Variants in AMPH observed in about 807,000 individuals in gnomAD.
AMPH encodes amphiphysin (Stiff-Mann syndrome with breast cancer 128kD autoantigen).
In AMPH, 49 loss-of-function variants were observed where a neutral mutation model predicts 99.1. That is an observed-to-expected ratio of 0.49 (90% CI 0.39 to 0.63). The LOEUF is 0.63. AMPH is among the 20% of genes least tolerant of loss of function. The pLI, the probability that AMPH is intolerant of heterozygous loss-of-function variation, is 0.00. For synonymous variants in AMPH, 314 were observed against 317.3 expected, an observed-to-expected ratio of 0.99 and a Z score of 0.11; for missense variants, 759 against 863.4, an observed-to-expected ratio of 0.88 and a Z score of 1.52.
At chr7:38,618,890 T>C (rs1309785146) in intron 1 of AMPH, among the ~76,000 whole-genome samples, 3 of 152,216 alleles carry the variant, frequency 2.0e-5, no homozygotes, top group Non-Finnish European at 1.5e-5. Flanking sequence ...CAGTTAATTA[T>C]GTAAAATGTA....
intron 5 of AMPH, among the ~76,000 whole-genome samples, chr7:38,490,095 A>G (rs370362256): frequency 2.8e-4 from 43 of 152,270 alleles, no homozygotes; most frequent in Middle Eastern, 3.4e-3. Flanking sequence ...AAATTGAGTG[A>G]CTAATCAAAA....
intron 5 of AMPH, among the ~76,000 whole-genome samples, chr7:38,479,043 C>A (rs1357137306): frequency 6.6e-6 from 1 of 151,808 alleles, no homozygotes; most frequent in East Asian, 1.9e-4. Flanking sequence ...GAATAATAAG[C>A]AATATTTCAA....
intron 1 of AMPH, among the ~76,000 whole-genome samples, chr7:38,596,087 A>G (rs1793047519): frequency 6.6e-6 from 1 of 152,190 alleles, no homozygotes; most frequent in African/African-American, 2.4e-5. Flanking sequence ...CAGTAATAAG[A>G]TTGCTGGGTC....
chr7:38,535,774 T>C (rs956271142), intron 1 of AMPH, among the ~76,000 whole-genome samples: 4 of 152,126 alleles, frequency 2.6e-5, no homozygotes, highest in Non-Finnish European at 1.5e-5. Context: ...CACTAGGGTT[T>C]GCTCTCCTAT....
chr7:38,506,608 G>C (rs970573412), intron 2 of AMPH, among the ~76,000 whole-genome samples: 11 of 152,124 alleles, frequency 7.2e-5, no homozygotes, highest in African/African-American at 2.7e-4. Flanking sequence ...AATCCATTAA[G>C]GCCACATTTC....
intron 11 of AMPH, among the ~76,000 whole-genome samples, chr7:38,447,566 T>G (rs1786837110): frequency 1.3e-5 from 2 of 152,162 alleles, no homozygotes; most frequent in African/African-American, 4.8e-5. Context: ...GTAGGTAGTT[T>G]GCAAGTATTT....
chr7:38,416,946 C>T (rs1209700092), intron 17 of AMPH, among the ~76,000 whole-genome samples: 1 of 152,168 alleles, frequency 6.6e-6, no homozygotes, highest in Non-Finnish European at 1.5e-5. Context: ...GCACCAACGA[C>T]ATGAAGTAAG....
At chr7:38,567,892 C>T (rs977809413) in intron 1 of AMPH, among the ~76,000 whole-genome samples, 1 of 152,014 alleles carries the variant, frequency 6.6e-6, no homozygotes, top group African/African-American at 2.4e-5. Flanking sequence ...TTTGATAGCA[C>T]TTAAAATTAA....
chr7:38,475,638 T>C (rs1788051137), intron 6 of AMPH, among the ~76,000 whole-genome samples: 2 of 152,206 alleles, frequency 1.3e-5, no homozygotes, highest in Admixed American at 1.3e-4. Context: ...TCTTGCAGTT[T>C]CTGGCTGATT....
intron 5 of AMPH, among the ~76,000 whole-genome samples, chr7:38,480,399 G>A (rs1184301811): frequency 6.6e-6 from 1 of 152,028 alleles, no homozygotes; most frequent in Non-Finnish European, 1.5e-5. Context: ...CGGGTTCTTT[G>A]CTCACCTCAT....
intron 13 of AMPH, 34 bp downstream of exon 13, chr7:38,432,155 G>C: frequency 6.3e-7 from 1 of 1,590,966 alleles, no homozygotes. Flanking sequence ...TGGGGATCAA[G>C]ATACATGAAA....
At chr7:38,582,691 T>C (rs1201125021) in intron 1 of AMPH, among the ~76,000 whole-genome samples, 1 of 152,154 alleles carries the variant, frequency 6.6e-6, no homozygotes, top group Non-Finnish European at 1.5e-5. Flanking sequence ...GGTCCTGAGA[T>C]CAAAAAGTTT....
chr7:38,491,206 C>CT lies in AMPH; in HGVS notation c.301-62dup, dbSNP rs1199120279. ...TAATTGGATACCTTTCACCAAACTT[C>CT]TAAAAAAATCTGAAACTATAAAATT... On this transcript the variant is annotated intron_variant, in intron 4 of 20. Transcript: ENST00000356264. 2.8e-6 allele frequency: 3 copies of CT among 1,060,300 alleles called. No individual in the cohort carries two copies. The East Asian group carries it at 8.0e-5, about 28-fold the overall frequency. The allele number at this position is 1,060,300 out of a possible 1,614,324, so 65.7% of individuals were successfully genotyped here. A position where few individuals can be genotyped will look rare whatever the true frequency, so the allele number is the denominator to read the frequency against.
chr7:38,534,239 C>T (rs1008089225), intron 2 of AMPH, among the ~76,000 whole-genome samples: 2 of 151,836 alleles, frequency 1.3e-5, no homozygotes, highest in Admixed American at 6.6e-5. Context: ...TAGTATAATC[C>T]CTGTTGCGAA....
intron 11 of AMPH, among the ~76,000 whole-genome samples, chr7:38,449,109 TC>T (rs1479754916): frequency 6.6e-6 from 1 of 152,150 alleles, no homozygotes. Flanking sequence ...GTAAAGGCCC[TC>T]CTACCACTAT....
chr7:38,418,550 T>C (rs1401854107), intron 16 of AMPH, among the ~76,000 whole-genome samples: 1 of 152,234 alleles, frequency 6.6e-6, no homozygotes, highest in Non-Finnish European at 1.5e-5. Flanking sequence ...GAAGCTAGTG[T>C]TCCACTTCCA....
chr7:38,431,603 C>G (rs1447484735), intron 13 of AMPH, among the ~76,000 whole-genome samples: 1 of 151,098 alleles, frequency 6.6e-6, no homozygotes, highest in African/African-American at 2.4e-5. Context: ...TTGCAGTGAG[C>G]CGAGACAGTG....
chr7:38,556,684 C>T (rs1407765330), intron 1 of AMPH, among the ~76,000 whole-genome samples: 7 of 152,180 alleles, frequency 4.6e-5, no homozygotes, highest in African/African-American at 1.7e-4. Context: ...TTCATCACAG[C>T]AAATGTCACT....
chr7:38,480,293 A>C (rs1788239893), intron 5 of AMPH, among the ~76,000 whole-genome samples: 1 of 152,104 alleles, frequency 6.6e-6, no homozygotes, highest in South Asian at 2.1e-4. Flanking sequence ...GAGTAGGGTG[A>C]GGCAGGTGAG....
Sources: allele counts gnomAD v4.1 joint callset (sites outside exome capture counted in the v4.1 genomes callset), GRCh38; gene constraint gnomAD v4.1.1; transcripts MANE v1.5; gene names NCBI Gene and HGNC (gene_info 2026-07-23, HGNC 2026-07-21).